The following SLIT3 variants were observed in gnomAD, a reference collection of about 807,000 sequenced individuals.
SLIT3 encodes the protein slit guidance ligand 3.
In SLIT3, 68 loss-of-function variants were observed where a neutral mutation model predicts 184.0. The observed-to-expected ratio is 0.37, with a 90% CI of 0.30 to 0.45. SLIT3 has a LOEUF of 0.45. SLIT3 is among the 20% of genes least tolerant of loss of function. The pLI is 1.00. For missense variants in SLIT3, 1,707 were observed against 2,026.0 expected, an observed-to-expected ratio of 0.84 and a Z score of 3.02; for synonymous variants, 831 against 828.6, an observed-to-expected ratio of 1.00 and a Z score of -0.05.
intron 9 of SLIT3, among the ~76,000 whole-genome samples, chr5:168,801,744 G>A (rs1756773409): frequency 6.6e-6 from 1 of 152,202 alleles, no homozygotes. Context: ...CCGACAGGGT[G>A]CAGTGAGAAC....
At chr5:169,282,753 A>G (rs1456315621) in intron 1 of SLIT3, among the ~76,000 whole-genome samples, 1 of 152,254 alleles carries the variant, frequency 6.6e-6, no homozygotes, top group Non-Finnish European at 1.5e-5. Flanking sequence ...GGAAAGGAGA[A>G]CAGAGTGACT....
chr5:169,204,836 G>C lies in SLIT3; in HGVS notation c.342-11286C>G, dbSNP rs148958473. Among the ~76,000 whole-genome samples, 212 of 152,344 alleles carry C rather than the reference G, an allele frequency of 1.4e-3. 2 individuals carry two copies. Among genetic ancestry groups the C allele is most frequent in the Non-Finnish European group, 1.2e-3 (81 of 68,032 alleles). Reference sequence around the variant, plus strand: ...GGAAAGGTGAGACATCGCTGCTTAGGAAAGGCTGGAGGGTTGCCGGGCGGC... The same window carrying C: ...GGAAAGGTGAGACATCGCTGCTTAGCAAAGGCTGGAGGGTTGCCGGGCGGC... On this transcript the variant is annotated intron_variant, in intron 3 of 35. Coordinates refer to ENST00000519560, the MANE Select transcript of SLIT3 (RefSeq NM_003062.4).
At chr5:168,716,987 T>C (rs1179043297) in intron 23 of SLIT3, among the ~76,000 whole-genome samples, 573 of 138,568 alleles carry the variant, frequency 4.1e-3, no homozygotes, top group Non-Finnish European at 5.3e-3. Context: ...TGTAGCTTCT[T>C]GTGATTCCCC....
chr5:168,984,377 A>G (rs548274403), intron 4 of SLIT3, among the ~76,000 whole-genome samples: 2 of 152,230 alleles, frequency 1.3e-5, no homozygotes, highest in East Asian at 1.9e-4. Context: ...CATTTCCTAA[A>G]TGAGAACCAG....
At chr5:169,281,634 T>G (rs779011295) in intron 1 of SLIT3, among the ~76,000 whole-genome samples, 12 of 152,230 alleles carry the variant, frequency 7.9e-5, no homozygotes, top group Non-Finnish European at 1.8e-4. Context: ...AAAAATTATG[T>G]GAGCCAATAG....
intron 4 of SLIT3, chr5:169,023,578 A>G (rs1247904956): frequency 6.6e-6 from 1 of 150,736 alleles, no homozygotes; most frequent in African/African-American, 2.4e-5. Flanking sequence ...TCTCTTCCTC[A>G]TTCCTCTTGT....
At chr5:169,157,935 A>G (rs1336965683) in intron 4 of SLIT3, among the ~76,000 whole-genome samples, 1 of 151,484 alleles carries the variant, frequency 6.6e-6, no homozygotes, top group Non-Finnish European at 1.5e-5. Flanking sequence ...AAATTACACA[A>G]TCTGAACAAC....
intron 4 of SLIT3, among the ~76,000 whole-genome samples, chr5:169,161,584 G>A (rs1006339692): frequency 3.9e-5 from 6 of 152,132 alleles, no homozygotes; most frequent in African/African-American, 7.2e-5. Context: ...AGTCACTCCC[G>A]GCTGACCATA....
intron 3 of SLIT3, among the ~76,000 whole-genome samples, chr5:169,219,984 C>T (rs987561326): frequency 6.6e-5 from 10 of 152,172 alleles, no homozygotes; most frequent in Non-Finnish European, 1.0e-4. Flanking sequence ...TGCTACATGC[C>T]GGTGTCTTCA....
At position 168,869,877 on chromosome 5, in the gene SLIT3, G is replaced by C. The variant is rs181246819; in HGVS notation, c.485+13388C>G. 2.6e-4 allele frequency among the ~76,000 whole-genome samples: 40 copies of C among 152,326 alleles called. No homozygotes were observed. The Middle Eastern group carries it at 0.01, about 39-fold the overall frequency. ...ATTTAGGTTTGCGCACTTGTGCCTG[G>C]GGACTGCGTACAGAGAGAACTTTAA... On this transcript the variant is annotated intron_variant, in intron 5 of 35. Coordinates refer to ENST00000519560, the MANE Select transcript of SLIT3 (RefSeq NM_003062.4).
At chr5:168,765,152 C>G (rs1041570802) in intron 14 of SLIT3, among the ~76,000 whole-genome samples, 2 of 152,180 alleles carry the variant, frequency 1.3e-5, no homozygotes, top group Non-Finnish European at 2.9e-5. Context: ...GGCGATGAGC[C>G]TGAAGGCGTG....
intron 4 of SLIT3, among the ~76,000 whole-genome samples, chr5:169,035,493 C>A (rs903478642): frequency 5.9e-5 from 9 of 151,656 alleles, no homozygotes; most frequent in African/African-American, 2.2e-4. Flanking sequence ...ACTAAAAACA[C>A]AAAAAATTAG....
intron 4 of SLIT3, among the ~76,000 whole-genome samples, chr5:168,958,000 C>T (rs1054806502): frequency 6.6e-6 from 1 of 152,144 alleles, no homozygotes; most frequent in Non-Finnish European, 1.5e-5. Context: ...CTCTCCACTA[C>T]CCAAATGTCT....
intron 4 of SLIT3, among the ~76,000 whole-genome samples, chr5:169,069,889 G>C (rs1309764849): frequency 6.6e-6 from 1 of 152,112 alleles, no homozygotes; most frequent in Non-Finnish European, 1.5e-5. Context: ...CTGGGTAGTG[G>C]GGAACCCTCG....
intron 16 of SLIT3, among the ~76,000 whole-genome samples, chr5:168,759,094 A>G (rs1456744255): frequency 3.9e-5 from 6 of 152,190 alleles, no homozygotes; most frequent in Non-Finnish European, 8.8e-5. Context: ...GTACATGTAA[A>G]CATTCCAAAA....
intron 4 of SLIT3, among the ~76,000 whole-genome samples, chr5:168,948,287 A>G (rs1762550895): frequency 6.6e-6 from 1 of 152,166 alleles, no homozygotes; most frequent in South Asian, 2.1e-4. Flanking sequence ...CAGAAGGGCA[A>G]CAGAAGCCCC....
rs529748970 is a variant in SLIT3, at chr5:168,872,602, T to A, written c.485+10663A>T. ...TAAAAATTAAAGTCTTTTTTTTTTT[T>A]AAAGTTCGTACTTTCTTCTTTTCTT... On this transcript the variant is annotated intron_variant, in intron 5 of 35. Coordinates refer to ENST00000519560, the MANE Select transcript of SLIT3 (RefSeq NM_003062.4). Among the ~76,000 whole-genome samples, 135 of 142,362 alleles carry A rather than the reference T, an allele frequency of 9.5e-4. 2 individuals are homozygous for A. The highest frequency in any genetic ancestry group is 3.4e-3 in the African/African-American group (124 of 36,474). The allele number at this position is 142,362 out of a possible 152,430, so 93.4% of individuals were successfully genotyped here.
chr5:168,837,327 G>C (rs1435360269), intron 6 of SLIT3, among the ~76,000 whole-genome samples: 1 of 152,098 alleles, frequency 6.6e-6, no homozygotes, highest in Non-Finnish European at 1.5e-5. Flanking sequence ...AATGTTTGTA[G>C]CTCCCAGAGA....
intron 1 of SLIT3, among the ~76,000 whole-genome samples, chr5:169,270,827 T>C (rs1043680180): frequency 6.6e-6 from 1 of 152,208 alleles, no homozygotes; most frequent in Non-Finnish European, 1.5e-5. Flanking sequence ...AACATGACTC[T>C]GGGGAAGTTA....
Sources: gnomAD v4.1 joint callset for allele counts (sites outside exome capture counted in the v4.1 genomes callset) on GRCh38, gnomAD v4.1.1 for gene constraint, MANE v1.5 for transcripts, NCBI Gene and HGNC (gene_info 2026-07-23, HGNC 2026-07-21) for gene names.